BPNT1: variants seen among roughly 807,000 people sequenced by gnomAD.
The protein encoded by BPNT1 is 3'(2'), 5'-bisphosphate nucleotidase 1, also known as 3'(2'),5'-bisphosphate nucleotidase 1.
In BPNT1, 28 loss-of-function variants were observed where a neutral mutation model predicts 36.9. That is an observed-to-expected ratio of 0.76 (90% confidence interval 0.56 to 1.04). BPNT1 has a LOEUF of 1.04. BPNT1 is among the 50% of genes least tolerant of loss of function. The pLI, the probability that BPNT1 is intolerant of heterozygous loss-of-function variation, is 0.00. For synonymous variants in BPNT1, 119 were observed against 130.9 expected (o/e 0.91, Z 0.62); for missense variants, 313 against 372.9 (o/e 0.84, Z 1.32).
chr1:220,077,387 A>AT (rs147317841), intron 2 of BPNT1, among the ~76,000 whole-genome samples: 272 of 149,296 alleles, frequency 1.8e-3, no homozygotes, highest in African/African-American at 4.7e-3. Context: ...GTTCTTATGA[A>AT]TTTTTTTTTT....
Position 220,079,819 on chromosome 1 carries a change from G to T in BPNT1, c.28C>A (p.Arg10=). The T allele has an allele frequency of 6.2e-7, 1 of 1,613,084 alleles. No homozygotes were observed. The highest frequency in any genetic ancestry group is 8.5e-7 in the Non-Finnish European group (1 of 1,179,554). ...ATAGAATATGCGGAGGCTACCAACC[G>T]CATCAACACAGTGTTACTGGAAGCC... MASSNTVLM[R]LVASAYSIAQ... Residue 10 remains arginine, a synonymous_variant, in exon 2 of 9, where the codon CGG becomes AGG. Coordinates refer to ENST00000322067, the MANE Select transcript of BPNT1 (RefSeq NM_006085.6).
In BPNT1 at chr1:220,075,593, C is replaced by G. The variant is rs186717167; in HGVS notation, c.121-1522G>C. 9.5e-4 allele frequency among the ~76,000 whole-genome samples: 144 copies of G among 152,258 alleles called. 1 individual carries two copies. The highest frequency in any genetic ancestry group is 2.3e-3 in the Admixed American group (35 of 15,270). On this transcript the variant is annotated intron_variant, in intron 2 of 8. Coordinates refer to ENST00000322067, the MANE Select transcript of BPNT1 (RefSeq NM_006085.6). ...GTTTGAAGATTAGTTAAATACCAAT[C>G]AAGTTTGTAGACCACTGCGGTAGAG...
chr1:220,088,146 C>T (rs987005296), intron 1 of BPNT1, among the ~76,000 whole-genome samples: 1 of 151,858 alleles, frequency 6.6e-6, no homozygotes, highest in Non-Finnish European at 1.5e-5. Flanking sequence ...GCTAGGATTA[C>T]AGGCGTGAGC....
chr1:220,076,920 G>C (rs1287830493), intron 2 of BPNT1, among the ~76,000 whole-genome samples: 1 of 151,996 alleles, frequency 6.6e-6, no homozygotes, highest in Non-Finnish European at 1.5e-5. Context: ...CTCAGAGGTT[G>C]CAACTATTTT....
At chr1:220,072,821 A>C in intron 4 of BPNT1, 29 bp downstream of exon 4, 17 of 1,554,484 alleles carry the variant, frequency 1.1e-5, no homozygotes, top group Non-Finnish European at 1.3e-5. Context: ...CCAGGTTAAT[A>C]GAGAGTTGAG....
intron 1 of BPNT1, among the ~76,000 whole-genome samples, chr1:220,080,428 C>T (rs1407717127): frequency 6.6e-6 from 1 of 152,000 alleles, no homozygotes; most frequent in Non-Finnish European, 1.5e-5. Context: ...TGGCAAGAAC[C>T]GCAATTACTT....
At chr1:220,071,285 T>C (rs1181772285) in intron 4 of BPNT1, among the ~76,000 whole-genome samples, 1 of 152,154 alleles carries the variant, frequency 6.6e-6, no homozygotes, top group African/African-American at 2.4e-5. Context: ...ATGGTGGCTA[T>C]CTGAAGTCAC....
At chr1:220,088,286 G>A (rs1260438919) in intron 1 of BPNT1, among the ~76,000 whole-genome samples, 1 of 151,500 alleles carries the variant, frequency 6.6e-6, no homozygotes, top group Non-Finnish European at 1.5e-5. Flanking sequence ...CTGAAGTTAG[G>A]AGTTCAAGAC....
intron 4 of BPNT1, among the ~76,000 whole-genome samples, chr1:220,072,412 T>G (rs1032907504): frequency 8.6e-5 from 13 of 151,248 alleles, no homozygotes; most frequent in African/African-American, 3.2e-4. Flanking sequence ...CTCCATGGGC[T>G]CAGGTGATCC....
intron 8 of BPNT1, among the ~76,000 whole-genome samples, chr1:220,059,199 AT>A (rs1273515802): frequency 8.0e-6 from 1 of 125,392 alleles, no homozygotes. Flanking sequence ...ATATAAAATT[AT>A]TTTTTCTCTG....
In BPNT1 at chr1:220,062,967, G is replaced by A. The variant is rs1184705650; in HGVS notation, c.475-13C>T. On this transcript the variant is annotated splice_polypyrimidine_tract_variant and intron_variant, in intron 6 of 8. Coordinates refer to ENST00000322067, the MANE Select transcript of BPNT1 (RefSeq NM_006085.6). ...CATCTGGTCCTGCCTGTGTAAACGA[G>A]TGAAACAACAAGACTTGTGGTTATT... is the stretch of plus-strand genomic sequence containing the variant. The A allele has an allele frequency of 1.2e-6, 2 of 1,613,656 alleles. No individual in the cohort carries two copies. Among genetic ancestry groups the A allele is most frequent in the Non-Finnish European group, 1.7e-6 (2 of 1,179,612 alleles).
chr1:220,066,679 A>G lies in BPNT1; in HGVS notation c.474+623T>C, dbSNP rs141654420. The stretch of plus-strand genomic sequence containing the variant: ...GAAATTACACTAGTCCCTTGCTTCT[A>G]TGGAAGGCAATTTATCTGATGTATA... On this transcript the variant is annotated intron_variant, in intron 6 of 8. Transcript: ENST00000322067. Among the ~76,000 whole-genome samples, 38 of 152,298 alleles carry G rather than the reference A, an allele frequency of 2.5e-4. No individual in the cohort carries two copies. In the East Asian group the frequency reaches 5.4e-3, roughly 22 times the overall value.
intron 4 of BPNT1, among the ~76,000 whole-genome samples, chr1:220,071,078 T>A (rs1176911851): frequency 6.6e-6 from 1 of 151,652 alleles, no homozygotes; most frequent in Non-Finnish European, 1.5e-5. Flanking sequence ...CGGAGGTTGG[T>A]CTCGATCTCC....
In BPNT1 at chr1:220,078,394, TTATA is replaced by T. The variant is rs1040698709; in HGVS notation, c.120+1329_120+1332del. On this transcript the variant is annotated intron_variant, in intron 2 of 8. Transcript: ENST00000322067. ...TATTAATTATATAGAATTATTATAA[TTATA>T]TATAAATAATAATTTATAATAATAA... Among the ~76,000 whole-genome samples, 371 of 142,776 alleles carry T rather than the reference TTATA, an allele frequency of 2.6e-3. 1 individual carries two copies. Among genetic ancestry groups the T allele is most frequent in the Non-Finnish European group, 4.1e-3 (273 of 66,056 alleles). The allele number at this position is 142,776 out of a possible 152,430, so 93.7% of individuals were successfully genotyped here.
At chr1:220,083,789 C>G (rs925028420) in intron 1 of BPNT1, among the ~76,000 whole-genome samples, 1 of 152,102 alleles carries the variant, frequency 6.6e-6, no homozygotes, top group Non-Finnish European at 1.5e-5. Context: ...AGTTTGTGAT[C>G]TGTTAAAACT....
At chr1:220,088,726 G>A (rs1369238547) in intron 1 of BPNT1, among the ~76,000 whole-genome samples, 1 of 149,072 alleles carries the variant, frequency 6.7e-6, no homozygotes, top group East Asian at 2.0e-4. Context: ...GGAGGTCAAG[G>A]TTGCAGTGAG....
Position 220,062,970 on chromosome 1 carries a change from AAAC to A in BPNT1, c.475-19_475-17del, listed in dbSNP as rs760470365. The stretch of plus-strand genomic sequence containing the variant: ...CTGGTCCTGCCTGTGTAAACGAGTG[AAAC>A]AACAAGACTTGTGGTTATTTGGAGA... On this transcript the variant is annotated splice_polypyrimidine_tract_variant and intron_variant, in intron 6 of 8. Transcript: ENST00000322067. 1.9e-6 allele frequency: 3 copies of A among 1,613,008 alleles called. No individual in the cohort carries two copies. The highest frequency in any genetic ancestry group is 2.5e-6 in the Non-Finnish European group (3 of 1,178,994).
At chr1:220,082,473 G>A (rs1397457884) in intron 1 of BPNT1, among the ~76,000 whole-genome samples, 2 of 151,856 alleles carry the variant, frequency 1.3e-5, no homozygotes, top group African/African-American at 2.4e-5. Context: ...GAGCCACCAC[G>A]CTCAGCCCTG....
At chr1:220,068,672 G>A (rs989343753) in intron 5 of BPNT1, among the ~76,000 whole-genome samples, 4 of 151,980 alleles carry the variant, frequency 2.6e-5, no homozygotes, top group African/African-American at 4.8e-5. Context: ...TTAGCTGGGC[G>A]TGGTGGCAGG....
Sources: gnomAD v4.1 joint callset for allele counts (sites outside exome capture counted in the v4.1 genomes callset) on GRCh38, gnomAD v4.1.1 for gene constraint, MANE v1.5 for transcripts, NCBI Gene and HGNC (gene_info 2026-07-23, HGNC 2026-07-21) for gene names.